TCF7L2: variants seen among roughly 807,000 people sequenced by gnomAD.
The protein encoded by TCF7L2 is transcription factor 7-like 2.
A neutral mutation model predicts 77.9 loss-of-function variants in TCF7L2; 23 were observed. The observed-to-expected ratio is 0.30, with a 90% CI of 0.21 to 0.42. The LOEUF (loss-of-function observed/expected upper bound fraction) is 0.42. Among genes scored for constraint, TCF7L2 ranks in the 10% least tolerant of loss-of-function variants. The pLI is 1.00. For missense variants in TCF7L2, 654 were observed against 793.1 expected (o/e 0.82, Z 2.11); for synonymous variants, 413 against 340.2 (o/e 1.21, Z -2.36).
At chr10:112,956,220 G>A (rs1225272859) in intron 3 of TCF7L2, among the ~76,000 whole-genome samples, 1 of 152,098 alleles carries the variant, frequency 6.6e-6, no homozygotes, top group African/African-American at 2.4e-5. Context: ...AAGTTATGTG[G>A]AAGTTGGTTT....
chr10:113,161,633 C>T (rs1414534872), intron 13 of TCF7L2: 2 of 1,535,818 alleles, frequency 1.3e-6, no homozygotes, highest in African/African-American at 1.4e-5. Context: ...AAACACGCTT[C>T]CCTGTTTGTA....
intron 11 of TCF7L2, among the ~76,000 whole-genome samples, chr10:113,153,016 C>T (rs1358944917): frequency 3.9e-5 from 6 of 152,216 alleles, no homozygotes; most frequent in African/African-American, 1.4e-4. Context: ...GGAAGTCAGC[C>T]TTTGGCAGGA....
intron 5 of TCF7L2, among the ~76,000 whole-genome samples, chr10:113,123,734 A>T (rs190739562): frequency 3.5e-4 from 53 of 152,244 alleles, no homozygotes; most frequent in Non-Finnish European, 6.2e-4. Context: ...TCCATTTTTT[A>T]AAAAAGGAGT....
chr10:112,963,734 T>G (rs1317198608), intron 3 of TCF7L2, among the ~76,000 whole-genome samples: 1 of 152,218 alleles, frequency 6.6e-6, no homozygotes, highest in African/African-American at 2.4e-5. Flanking sequence ...ATCTTGCTCT[T>G]CCTATTTCGG....
At chr10:113,144,106 G>GTGTGTGTA in intron 7 of TCF7L2, 81 bp downstream of exon 7, 1 of 198,252 alleles carries the variant, frequency 5.0e-6, no homozygotes, top group African/African-American at 3.5e-5. Context: ...GTGTCTGTGT[G>GTGTGTGTA]TGTGTGTGTG....
At chr10:113,026,383 A>G (rs1042037116) in intron 4 of TCF7L2, among the ~76,000 whole-genome samples, 3 of 144,942 alleles carry the variant, frequency 2.1e-5, no homozygotes, top group Admixed American at 6.9e-5. Flanking sequence ...CTCCTCTTGA[A>G]CTTCTGACCT....
At chr10:112,970,710 T>C (rs745683478) in intron 4 of TCF7L2, among the ~76,000 whole-genome samples, 4 of 152,134 alleles carry the variant, frequency 2.6e-5, no homozygotes, top group Non-Finnish European at 5.9e-5. Context: ...AGGTTTTTGA[T>C]GAGGGTCTCT....
chr10:113,105,880 G>A (rs1173463162), intron 5 of TCF7L2, among the ~76,000 whole-genome samples: 1 of 152,164 alleles, frequency 6.6e-6, no homozygotes, highest in East Asian at 1.9e-4. Context: ...ATTGATGTTT[G>A]TAATTAGTAT....
intron 5 of TCF7L2, among the ~76,000 whole-genome samples, chr10:113,098,930 C>T (rs1416414404): frequency 1.3e-5 from 2 of 152,112 alleles, no homozygotes; most frequent in African/African-American, 4.8e-5. Flanking sequence ...ATAGATAGTG[C>T]CGACTTGATT....
At chr10:113,155,341 G>A (rs1420746125) in intron 11 of TCF7L2, among the ~76,000 whole-genome samples, 1 of 152,112 alleles carries the variant, frequency 6.6e-6, no homozygotes, top group Non-Finnish European at 1.5e-5. Context: ...TTGCTCACCT[G>A]AGTTTCTTTT....
intron 3 of TCF7L2, among the ~76,000 whole-genome samples, chr10:112,959,622 A>T (rs529552907): frequency 2.7e-4 from 41 of 152,284 alleles, no homozygotes; most frequent in African/African-American, 8.2e-4. Context: ...GGAATGTTTA[A>T]GCTCAAGTAC....
At chr10:113,114,862 G>C (rs2063536000) in intron 5 of TCF7L2, among the ~76,000 whole-genome samples, 1 of 152,148 alleles carries the variant, frequency 6.6e-6, no homozygotes. Context: ...ATTCCAACTT[G>C]TTATTGCTAC....
intron 5 of TCF7L2, among the ~76,000 whole-genome samples, chr10:113,119,881 G>A (rs974956213): frequency 7.2e-5 from 11 of 152,066 alleles, no homozygotes; most frequent in South Asian, 6.2e-4. Context: ...TGAAGGCGCC[G>A]CACAAAATGT....
At chr10:112,974,633 C>T (rs536747485) in intron 4 of TCF7L2, among the ~76,000 whole-genome samples, 4 of 152,110 alleles carry the variant, frequency 2.6e-5, no homozygotes, top group East Asian at 1.9e-4. Flanking sequence ...TTAGTAGAGA[C>T]GGGGTTTCAC....
At chr10:112,964,822 T>TGGTGGTGATGGTGG (rs1554875168) in intron 4 of TCF7L2, among the ~76,000 whole-genome samples, 198 bp downstream of exon 4, 1 of 73,564 alleles carries the variant, frequency 1.4e-5, no homozygotes, top group African/African-American at 5.5e-5. Context: ...TGGGGGGGGG[T>TGGTGGTGATGGTGG]TGAATCACTG....
intron 11 of TCF7L2, among the ~76,000 whole-genome samples, chr10:113,153,522 G>C (rs2137219611): frequency 6.6e-6 from 1 of 152,320 alleles, no homozygotes; most frequent in East Asian, 1.9e-4. Flanking sequence ...TGACGTATAG[G>C]GGTCGAGGTC....
chr10:113,076,520 T>C (rs184805191), intron 5 of TCF7L2, among the ~76,000 whole-genome samples: 1 of 152,354 alleles, frequency 6.6e-6, no homozygotes, highest in Non-Finnish European at 1.5e-5. Context: ...TATTATTTGT[T>C]TTAAGTTATA....
At chr10:112,980,049 TGAAA>T (rs2040193839) in intron 4 of TCF7L2, among the ~76,000 whole-genome samples, 1 of 152,224 alleles carries the variant, frequency 6.6e-6, no homozygotes, top group Admixed American at 6.5e-5. Flanking sequence ...GTATTTGTGC[TGAAA>T]GAATCATCTG....
chr10:113,011,099 C>T (rs776240590), intron 4 of TCF7L2, among the ~76,000 whole-genome samples: 1 of 152,192 alleles, frequency 6.6e-6, no homozygotes, highest in African/African-American at 2.4e-5. Context: ...CTTGAAGAAA[C>T]CCTGCTTTAG....
Sources: gnomAD v4.1 joint callset for allele counts (sites outside exome capture counted in the v4.1 genomes callset) on GRCh38, gnomAD v4.1.1 for gene constraint, MANE v1.5 for transcripts, NCBI Gene and HGNC (gene_info 2026-07-23, HGNC 2026-07-21) for gene names.